The following KLHL14 variants were observed in gnomAD, a reference collection of about 807,000 sequenced individuals.
KLHL14 encodes the protein kelch like family member 14.
A neutral mutation model predicts 64.3 loss-of-function variants in KLHL14; 22 were observed. That is an observed-to-expected ratio of 0.34 (90% CI 0.24 to 0.49). The LOEUF (loss-of-function observed/expected upper bound fraction) is 0.49, where lower values mean the gene tolerates loss of function less well. Ranked by LOEUF, KLHL14 falls within the 20% of genes least tolerant of loss-of-function variation. The pLI, the probability that KLHL14 is intolerant of heterozygous loss-of-function variation, is 0.99. For missense variants in KLHL14, 661 were observed against 789.0 expected (o/e 0.84, Z 1.94); for synonymous variants, 322 against 333.4 (o/e 0.97, Z 0.37).
In KLHL14 at chr18:32,717,987, C is replaced by A. The variant is rs530675775; in HGVS notation, c.1070-22435G>T. On this transcript the variant is annotated intron_variant, in intron 3 of 8. Coordinates refer to ENST00000359358, the MANE Select transcript of KLHL14 (RefSeq NM_020805.3). ...TCTTACTTCTACAGCCCAGTAGTTACCAAGTGATGTCTAACTTTATTTATA... is the reference window on the plus strand; with the variant it reads ...TCTTACTTCTACAGCCCAGTAGTTAACAAGTGATGTCTAACTTTATTTATA... 3.3e-5 allele frequency among the ~76,000 whole-genome samples: 5 copies of A among 152,292 alleles called. No individual in the cohort carries two copies. The South Asian group carries it at 1.0e-3, about 32-fold the overall frequency.
chr18:32,748,488 G>C (rs2050235345), intron 2 of KLHL14, among the ~76,000 whole-genome samples: 1 of 152,046 alleles, frequency 6.6e-6, no homozygotes, highest in Non-Finnish European at 1.5e-5. Flanking sequence ...TCCTGCCTCA[G>C]CCTCCCGAGT....
chr18:32,771,579 T>A (rs971860853), intron 1 of KLHL14, among the ~76,000 whole-genome samples: 1 of 151,678 alleles, frequency 6.6e-6, no homozygotes, highest in African/African-American at 2.4e-5. Flanking sequence ...CAGGCATCAA[T>A]CTCCCCTTCC....
At chr18:32,711,448 TG>T (rs2050018750) in intron 3 of KLHL14, among the ~76,000 whole-genome samples, 1 of 152,194 alleles carries the variant, frequency 6.6e-6, no homozygotes, top group African/African-American at 2.4e-5. Context: ...TCAATGGTAT[TG>T]TGTTTACAGT....
chr18:32,680,237 T>G lies in KLHL14; in HGVS notation c.1520A>C (p.Lys507Thr). ...TACAGCCAAAGTGTGAATTGCACGT[T>G]TTGTGTTCATATCTTGTTTTCGAGC... ...VWARKQDMNTKRAIHTLAVMN... is the reference protein window; with the variant it reads ...VWARKQDMNTTRAIHTLAVMN... The change falls in exon 7 of 9, where the codon AAA becomes ACA. Residue 507 changes from lysine to threonine, a missense_variant. Lys to Thr is a moderately conservative substitution (Grantham distance 78). This residue lies in a region of KLHL14 where 330 missense variants were observed against 450.0 expected (regional missense o/e 0.73). Transcript: ENST00000359358. The surrounding 1 kb of genome is among the most constrained non-coding windows in gnomAD (Gnocchi z 4.8). The G allele has an allele frequency of 6.2e-7, 1 of 1,613,904 alleles. No individual in the cohort carries two copies. The highest frequency in any genetic ancestry group is 8.5e-7 in the Non-Finnish European group (1 of 1,179,836).
intron 5 of KLHL14, among the ~76,000 whole-genome samples, chr18:32,681,554 C>T (rs1555660163): frequency 1.3e-5 from 2 of 152,054 alleles, no homozygotes; most frequent in Non-Finnish European, 1.5e-5. Flanking sequence ...GCCTTTGACT[C>T]TTTGCTTCTT....
chr18:32,764,509 C>T (rs1202146586), intron 2 of KLHL14, among the ~76,000 whole-genome samples: 2 of 75,984 alleles, frequency 2.6e-5, no homozygotes, highest in Non-Finnish European at 8.4e-5. Flanking sequence ...ACTGATATAT[C>T]CCAAGTGCCT....
At chr18:32,755,379 T>C (rs1234026874) in intron 2 of KLHL14, among the ~76,000 whole-genome samples, 2 of 152,124 alleles carry the variant, frequency 1.3e-5, no homozygotes, top group Admixed American at 1.3e-4. Flanking sequence ...GATGCTATAC[T>C]GTGTGGCTTG....
chr18:32,681,855 T>A (rs1045280935), intron 5 of KLHL14, among the ~76,000 whole-genome samples: 10 of 152,154 alleles, frequency 6.6e-5, no homozygotes, highest in Non-Finnish European at 1.0e-4. Context: ...GATTAACGAT[T>A]TGGCTTCTTG....
chr18:32,699,345 G>A (rs370306135), intron 3 of KLHL14, among the ~76,000 whole-genome samples: 165 of 152,172 alleles, frequency 1.1e-3, no homozygotes, highest in African/African-American at 3.8e-3. Context: ...CGTTCTTGCT[G>A]TTCATTTGTT....
chr18:32,734,379 T>C, intron 3 of KLHL14: 1 of 631,298 alleles, frequency 1.6e-6, no homozygotes, highest in Non-Finnish European at 2.9e-6. Context: ...TGAATGACTC[T>C]GTGGAGCAGA....
intron 2 of KLHL14, among the ~76,000 whole-genome samples, chr18:32,753,822 T>C (rs999350365): frequency 1.3e-5 from 2 of 152,244 alleles, no homozygotes; most frequent in Non-Finnish European, 2.9e-5. Flanking sequence ...CTAGGAGCAG[T>C]TGAATATCTT....
At position 32,683,411 on chromosome 18, in the gene KLHL14, A is replaced by G. The variant is rs766208771; in HGVS notation, c.1239-2812T>C. On this transcript the variant is annotated intron_variant, in intron 5 of 8. Coordinates refer to ENST00000359358, the MANE Select transcript of KLHL14 (RefSeq NM_020805.3). The surrounding 1 kb of genome is among the most constrained non-coding windows in gnomAD (Gnocchi z 4.2). Reference sequence around the variant, plus strand: ...TCCTGAAATGCATTTTAGAAACCTGATTGTTAATGGTCTGCCAGCAACTGT... The same window carrying G: ...TCCTGAAATGCATTTTAGAAACCTGGTTGTTAATGGTCTGCCAGCAACTGT... Among the ~76,000 whole-genome samples, 5 of 152,166 alleles carry G rather than the reference A, an allele frequency of 3.3e-5. No individual in the cohort carries two copies. The highest frequency in any genetic ancestry group is 5.9e-5 in the Non-Finnish European group (4 of 68,036).
intron 5 of KLHL14, among the ~76,000 whole-genome samples, 189 bp downstream of exon 5, chr18:32,686,966 A>G (rs951917170): frequency 1.3e-5 from 2 of 152,174 alleles, no homozygotes; most frequent in Non-Finnish European, 2.9e-5. Context: ...TAGGACAAAT[A>G]ATTGACTTAT....
intron 2 of KLHL14, among the ~76,000 whole-genome samples, chr18:32,763,888 A>G (rs765967926): frequency 1.3e-5 from 2 of 152,160 alleles, no homozygotes; most frequent in Admixed American, 6.5e-5. Flanking sequence ...GTCACCGTCT[A>G]TTGGGGTCTG....
At chr18:32,679,303 C>A (rs1188024981) in intron 7 of KLHL14, among the ~76,000 whole-genome samples, 1 of 152,094 alleles carries the variant, frequency 6.6e-6, no homozygotes, top group East Asian at 1.9e-4. Flanking sequence ...GATGTATATA[C>A]TATTAAAAAA....
chr18:32,685,512 A>G (rs1464806315), intron 5 of KLHL14, among the ~76,000 whole-genome samples: 2 of 152,198 alleles, frequency 1.3e-5, no homozygotes, highest in Non-Finnish European at 2.9e-5. Context: ...TAAAGGGCAA[A>G]GTGATGCAGC....
In KLHL14 at chr18:32,679,739, C is replaced by T. The variant is rs150241318; in HGVS notation, c.1588+430G>A. 4.5e-4 allele frequency among the ~76,000 whole-genome samples: 68 copies of T among 151,980 alleles called. No individual in the cohort carries two copies. In the East Asian group the frequency reaches 0.013, roughly 29 times the overall value. ...AGACACAAATATCTGGTAAATATTACCTTTAAAAAAATCACATATTAGCTT... is the reference window on the plus strand; with the variant it reads ...AGACACAAATATCTGGTAAATATTATCTTTAAAAAAATCACATATTAGCTT... On this transcript the variant is annotated intron_variant, in intron 7 of 8. Coordinates refer to ENST00000359358, the MANE Select transcript of KLHL14 (RefSeq NM_020805.3).
chr18:32,691,854 G>A (rs1314336976), intron 4 of KLHL14, among the ~76,000 whole-genome samples: 1 of 151,874 alleles, frequency 6.6e-6, no homozygotes, highest in Non-Finnish European at 1.5e-5. Context: ...TTTTGTGCTG[G>A]TGCCCTGTCA....
chr18:32,770,782 G>A lies in KLHL14; in HGVS notation c.-43-148C>T, dbSNP rs1598584272. 3.6e-6 allele frequency: 2 copies of A among 553,012 alleles called. No homozygotes were observed. Among genetic ancestry groups the A allele is most frequent in the Non-Finnish European group, 6.1e-6 (2 of 329,032 alleles). The allele number at this position is 553,012 out of a possible 1,614,324, so 34.3% of individuals were successfully genotyped here. On this transcript the variant is annotated intron_variant, in intron 1 of 8. Coordinates refer to ENST00000359358, the MANE Select transcript of KLHL14 (RefSeq NM_020805.3). This position sits in a 1 kb window ranked among gnomAD's most constrained non-coding sequence, Gnocchi z 6.7. ...CTTGACTCCCTCCTGGCGCGCTCCGGACCCCGACCCTAGGAGGAAAGTCCG... is the reference window on the plus strand; with the variant it reads ...CTTGACTCCCTCCTGGCGCGCTCCGAACCCCGACCCTAGGAGGAAAGTCCG...
Sources: allele counts gnomAD v4.1 joint callset (sites outside exome capture counted in the v4.1 genomes callset), GRCh38; gene constraint gnomAD v4.1.1; regional missense constraint gnomAD v4.1.1; non-coding constraint Gnocchi (gnomAD v3.1); transcripts MANE v1.5; gene names NCBI Gene and HGNC (gene_info 2026-07-23, HGNC 2026-07-21).